RAD51B: variants seen among roughly 807,000 people sequenced by gnomAD.
RAD51B encodes RAD51 paralog B.
In RAD51B, 38 loss-of-function variants were observed where a neutral mutation model predicts 42.2. That is an observed-to-expected ratio of 0.90 (90% CI 0.70 to 1.18). The LOEUF (loss-of-function observed/expected upper bound fraction) is 1.18, where lower values mean the gene tolerates loss of function less well. Among genes scored for constraint, RAD51B ranks in the 50% most tolerant of loss-of-function variants. RAD51B has a pLI of 0.00. For synonymous variants in RAD51B, 154 were observed against 145.2 expected, an observed-to-expected ratio of 1.06 and a Z score of -0.43; for missense variants, 373 against 400.7, an observed-to-expected ratio of 0.93 and a Z score of 0.59.
chr14:68,364,055 A>G (rs2083088192), intron 8 of RAD51B, among the ~76,000 whole-genome samples: 1 of 152,130 alleles, frequency 6.6e-6, no homozygotes, highest in Admixed American at 6.5e-5. Context: ...CGAAGGAAGT[A>G]TCTGCTGCTG....
At chr14:67,893,489 C>A (rs1326102060) in intron 7 of RAD51B, among the ~76,000 whole-genome samples, 2 of 74,294 alleles carry the variant, frequency 2.7e-5, no homozygotes, top group African/African-American at 1.6e-4. Flanking sequence ...CACACACACA[C>A]ACACACACAC....
intron 9 of RAD51B, among the ~76,000 whole-genome samples, chr14:68,440,543 G>A (rs1390745640): frequency 3.9e-5 from 6 of 152,040 alleles, no homozygotes; most frequent in East Asian, 3.9e-4. Flanking sequence ...TCACGAGTTC[G>A]AGACCAGCCT....
chr14:68,678,574 G>A (rs558471918), intron 11 of RAD51B, among the ~76,000 whole-genome samples: 1 of 152,252 alleles, frequency 6.6e-6, no homozygotes, highest in African/African-American at 2.4e-5. Context: ...AGGAGTGAGG[G>A]CCCTGGGAAG....
intron 7 of RAD51B, among the ~76,000 whole-genome samples, chr14:68,278,638 GA>G (rs2081266781): frequency 6.6e-6 from 1 of 152,234 alleles, no homozygotes; most frequent in South Asian, 2.1e-4. Context: ...GCATGCGGTA[GA>G]GGGCTGAAAG....
chr14:67,853,993 C>T (rs1227150568), intron 4 of RAD51B, among the ~76,000 whole-genome samples: 3 of 152,196 alleles, frequency 2.0e-5, no homozygotes, highest in Non-Finnish European at 4.4e-5. Flanking sequence ...GTTCCATTCC[C>T]TGAGAACAGC....
rs372879629 is a variant in RAD51B, at chr14:68,363,193, C to G, written c.854-48231C>G. Among the ~76,000 whole-genome samples the G allele has an allele frequency of 5.2e-4, 79 of 152,306 alleles. 4 individuals are homozygous for G. In the South Asian group the frequency reaches 0.016, roughly 31 times the overall value. ...GTTTTTCATACCGCTTTGCTTACCC[C>G]TGAGACTGCAAAGTACCATGTCTCC... On this transcript the variant is annotated intron_variant, in intron 8 of 10. Transcript: ENST00000471583.
chr14:68,102,962 C>T (rs1439526095), intron 7 of RAD51B, among the ~76,000 whole-genome samples: 2 of 152,126 alleles, frequency 1.3e-5, no homozygotes, highest in Non-Finnish European at 2.9e-5. Flanking sequence ...CTTCACATGG[C>T]AGCAGAAGAG....
chr14:67,889,390 G>A (rs1035375169), intron 7 of RAD51B, among the ~76,000 whole-genome samples: 2 of 149,614 alleles, frequency 1.3e-5, no homozygotes, highest in Non-Finnish European at 3.0e-5. Context: ...AGGCACCATA[G>A]TACTGTTCAA....
intron 7 of RAD51B, among the ~76,000 whole-genome samples, chr14:68,017,465 G>A (rs917135651): frequency 1.3e-5 from 2 of 151,922 alleles, no homozygotes; most frequent in African/African-American, 4.8e-5. Context: ...CAAAGTGCTA[G>A]GATTACAGGC....
intron 7 of RAD51B, among the ~76,000 whole-genome samples, chr14:68,050,070 G>C (rs565248072): frequency 3.9e-5 from 6 of 151,954 alleles, no homozygotes; most frequent in African/African-American, 1.4e-4. Flanking sequence ...TTTTTTCTAT[G>C]AAGTATTCCC....
intron 8 of RAD51B, among the ~76,000 whole-genome samples, chr14:68,327,012 G>A (rs1254654185): frequency 1.3e-5 from 2 of 152,144 alleles, no homozygotes; most frequent in African/African-American, 4.8e-5. Flanking sequence ...GCCCAACCCA[G>A]GAGAGTCCTG....
chr14:68,221,666 A>G (rs1020022505), intron 7 of RAD51B, among the ~76,000 whole-genome samples: 4 of 152,252 alleles, frequency 2.6e-5, no homozygotes, highest in African/African-American at 9.6e-5. Flanking sequence ...CAAATGCAAC[A>G]AAAACAAAGA....
chr14:68,025,552 A>G (rs1343599786), intron 7 of RAD51B, among the ~76,000 whole-genome samples: 1 of 145,584 alleles, frequency 6.9e-6, no homozygotes, highest in Non-Finnish European at 1.5e-5. Context: ...TAATTTCAGA[A>G]CTCAGTATTG....
intron 7 of RAD51B, among the ~76,000 whole-genome samples, chr14:67,906,196 G>A (rs1484871449): frequency 2.6e-5 from 4 of 152,072 alleles, no homozygotes; most frequent in African/African-American, 7.3e-5. Flanking sequence ...GATGAACCAC[G>A]TTTATTGATT....
chr14:67,926,046 T>C (rs1473403240), intron 7 of RAD51B, among the ~76,000 whole-genome samples: 1 of 152,196 alleles, frequency 6.6e-6, no homozygotes, highest in Admixed American at 6.5e-5. Context: ...GGGGCTCCCA[T>C]GAAGACCTCT....
chr14:68,208,182 A>G (rs1157988386), intron 7 of RAD51B, among the ~76,000 whole-genome samples: 2 of 152,168 alleles, frequency 1.3e-5, no homozygotes, highest in Non-Finnish European at 2.9e-5. Context: ...ATGTAATCTT[A>G]CCTACAGTGG....
At chr14:68,572,414 C>T (rs1889752812) in intron 10 of RAD51B, among the ~76,000 whole-genome samples, 1 of 152,242 alleles carries the variant, frequency 6.6e-6, no homozygotes, top group South Asian at 2.1e-4. Context: ...TTTTAAGGAG[C>T]CCCTCAAAAC....
rs1477046656 is a variant in RAD51B, at chr14:68,016,842, C to T, written c.756+129638C>T. Among the ~76,000 whole-genome samples the T allele has an allele frequency of 2.0e-5, 3 of 152,122 alleles. No individual in the cohort carries two copies. In the East Asian group the frequency reaches 5.8e-4, roughly 29 times the overall value. ...AGTGAGCTGTGGTTAAGTAAATTCA[C>T]TGGAATGTTTTCTGGAATTAAGTGA... is the stretch of plus-strand genomic sequence containing the variant. On this transcript the variant is annotated intron_variant, in intron 7 of 10. Transcript: ENST00000471583.
At chr14:68,609,589 C>T (rs1184860847) in intron 10 of RAD51B, among the ~76,000 whole-genome samples, 1 of 152,222 alleles carries the variant, frequency 6.6e-6, no homozygotes, top group Non-Finnish European at 1.5e-5. Context: ...CCGTCCTCAG[C>T]CTGGACCGGA....
Sources: allele counts gnomAD v4.1 joint callset (sites outside exome capture counted in the v4.1 genomes callset), GRCh38; gene constraint gnomAD v4.1.1; transcripts MANE v1.5; gene names NCBI Gene and HGNC (gene_info 2026-07-23, HGNC 2026-07-21).